Variants in EXOC2 observed in about 807,000 individuals in gnomAD.
EXOC2 encodes exocyst complex component 2.
Under a neutral mutation model 131.8 loss-of-function variants are expected in EXOC2, and 70 were observed. The ratio of observed to expected loss-of-function variants is 0.53; its 90% CI spans 0.44 to 0.65. The LOEUF (loss-of-function observed/expected upper bound fraction) is 0.65, where lower values mean the gene tolerates loss of function less well. EXOC2 is among the 30% of genes least tolerant of loss of function. EXOC2 has a pLI of 0.00. For missense variants in EXOC2, 923 were observed against 1,108.6 expected, an observed-to-expected ratio of 0.83 and a Z score of 2.38; for synonymous variants, 411 against 398.4, an observed-to-expected ratio of 1.03 and a Z score of -0.38.
rs534265094 is a variant in EXOC2, at chr6:532,880, T to C, written c.2239-270A>G. On this transcript the variant is annotated intron_variant, in intron 22 of 27. Transcript: ENST00000230449. ...AAGAACTGCCCAAGATTAGGTAATT[T>C]ATAAAAGAAAGAAGTTTAATTGACT... Among the ~76,000 whole-genome samples the C allele has an allele frequency of 4.5e-4, 68 of 152,298 alleles. 1 individual carries two copies. The highest frequency in any genetic ancestry group is 1.6e-3 in the African/African-American group (66 of 41,560).
intron 24 of EXOC2, 27 bp from the exon 25 acceptor site, chr6:497,516 C>T (rs1484004625): frequency 6.3e-7 from 1 of 1,584,070 alleles, no homozygotes; most frequent in African/African-American, 1.4e-5. Context: ...AGACATGGTG[C>T]TTTGTGGGGC....
At chr6:616,290 T>C (rs533477479) in intron 6 of EXOC2, among the ~76,000 whole-genome samples, 93 of 152,266 alleles carry the variant, frequency 6.1e-4, no homozygotes, top group Admixed American at 1.2e-3. Context: ...CTCTTAGACA[T>C]TCACATTTTA....
intron 1 of EXOC2, among the ~76,000 whole-genome samples, chr6:661,852 C>G (rs553759256): frequency 6.6e-6 from 1 of 152,302 alleles, no homozygotes; most frequent in Admixed American, 6.5e-5. Flanking sequence ...TTAAAAGATA[C>G]AGAACCACAG....
chr6:510,655 G>T (rs1278637119), intron 23 of EXOC2, among the ~76,000 whole-genome samples: 191 of 152,256 alleles, frequency 1.3e-3, no homozygotes, highest in African/African-American at 4.3e-3. Context: ...AGTCTGATGT[G>T]TAGAACAGAC....
intron 23 of EXOC2, among the ~76,000 whole-genome samples, chr6:529,495 T>G (rs907414505): frequency 6.6e-6 from 1 of 152,214 alleles, no homozygotes; most frequent in Non-Finnish European, 1.5e-5. Flanking sequence ...AGAATCACTT[T>G]GTTGAGAGTG....
intron 27 of EXOC2, 69 bp downstream of exon 27, chr6:488,910 G>A (rs879159059): frequency 2.1e-6 from 3 of 1,445,238 alleles, no homozygotes; most frequent in Admixed American, 2.0e-5. Flanking sequence ...ATTTTTAAAA[G>A]GTATTTTAGG....
At chr6:573,654 G>C (rs1361810549) in intron 12 of EXOC2, among the ~76,000 whole-genome samples, 5 of 149,654 alleles carry the variant, frequency 3.3e-5, no homozygotes, top group Non-Finnish European at 5.9e-5. Flanking sequence ...TTTATAAACT[G>C]TATTAATAAA....
chr6:608,344 A>T (rs1419119015), intron 7 of EXOC2, among the ~76,000 whole-genome samples: 10 of 152,240 alleles, frequency 6.6e-5, no homozygotes, highest in Non-Finnish European at 1.5e-4. Context: ...CTGAATTAGG[A>T]AAAACATATC....
intron 17 of EXOC2, among the ~76,000 whole-genome samples, chr6:560,298 C>T (rs935859020): frequency 4.6e-5 from 7 of 152,202 alleles, no homozygotes; most frequent in African/African-American, 1.4e-4. Context: ...GACTACATGG[C>T]TTCTTTAGGA....
chr6:650,591 T>C (rs892844933), intron 1 of EXOC2, among the ~76,000 whole-genome samples: 5 of 152,228 alleles, frequency 3.3e-5, no homozygotes, highest in African/African-American at 9.6e-5. Context: ...CTCTGCAGAT[T>C]AGGGAATAAC....
chr6:539,886 A>T (rs1002301789), intron 22 of EXOC2, among the ~76,000 whole-genome samples: 1 of 152,234 alleles, frequency 6.6e-6, no homozygotes, highest in Non-Finnish European at 1.5e-5. Flanking sequence ...ACAGGTGGCA[A>T]ACTGACATTC....
At chr6:523,372 A>G (rs1485340759) in intron 23 of EXOC2, among the ~76,000 whole-genome samples, 1 of 152,242 alleles carries the variant, frequency 6.6e-6, no homozygotes, top group African/African-American at 2.4e-5. Flanking sequence ...CGGCTTCTCT[A>G]TTTATGCTTT....
chr6:489,365 T>C (rs1245254033), intron 26 of EXOC2, among the ~76,000 whole-genome samples: 1 of 152,144 alleles, frequency 6.6e-6, no homozygotes, highest in South Asian at 2.1e-4. Context: ...AGGAGTCTTT[T>C]CAAAACAAGC....
chr6:643,705 T>A, intron 1 of EXOC2, among the ~76,000 whole-genome samples: 1 of 149,718 alleles, frequency 6.7e-6, no homozygotes, highest in Non-Finnish European at 1.5e-5. Flanking sequence ...AGGAAAAAAA[T>A]AAACAGTGGA....
At chr6:630,087 T>C (rs1240705198) in intron 3 of EXOC2, 126 bp from the exon 4 acceptor site, 5 of 1,203,902 alleles carry the variant, frequency 4.2e-6, no homozygotes, top group Non-Finnish European at 1.1e-6. Context: ...TTTAAGAGAT[T>C]TGAGGACATA....
intron 1 of EXOC2, among the ~76,000 whole-genome samples, chr6:674,869 G>A (rs1415583985): frequency 6.6e-6 from 1 of 152,016 alleles, no homozygotes; most frequent in African/African-American, 2.4e-5. Flanking sequence ...CCTTCAATTA[G>A]GCTCCTCCAA....
chr6:662,319 C>G (rs1204503424), intron 1 of EXOC2, among the ~76,000 whole-genome samples: 1 of 152,124 alleles, frequency 6.6e-6, no homozygotes, highest in Non-Finnish European at 1.5e-5. Context: ...CAGATATATA[C>G]AAAACATTTC....
At chr6:609,964 T>C (rs973667777) in intron 7 of EXOC2, 134 bp downstream of exon 7, 2 of 646,544 alleles carry the variant, frequency 3.1e-6, no homozygotes, top group South Asian at 2.1e-5. Flanking sequence ...TTTGTGTTCA[T>C]TAAATCACTA....
chr6:680,448 A>C (rs1764350939), intron 1 of EXOC2, among the ~76,000 whole-genome samples: 1 of 152,204 alleles, frequency 6.6e-6, no homozygotes, highest in Non-Finnish European at 1.5e-5. Flanking sequence ...ATGAGATTGG[A>C]GAAGGGTGGA....
Sources: allele counts gnomAD v4.1 joint callset (sites outside exome capture counted in the v4.1 genomes callset), GRCh38; gene constraint gnomAD v4.1.1; transcripts MANE v1.5; gene names NCBI Gene and HGNC (gene_info 2026-07-23, HGNC 2026-07-21).